Variants in ZRANB1 observed in about 807,000 individuals in gnomAD.
ZRANB1 encodes zinc finger RANBP2-type containing 1.
A neutral mutation model predicts 80.5 loss-of-function variants in ZRANB1; 16 were observed. That is an observed-to-expected ratio of 0.20 (90% CI 0.13 to 0.30). The LOEUF (loss-of-function observed/expected upper bound fraction) is 0.30. ZRANB1 is among the 10% of genes least tolerant of loss of function. The pLI, the probability that ZRANB1 is intolerant of heterozygous loss-of-function variation, is 1.00. For missense variants in ZRANB1, 576 were observed against 862.6 expected (o/e 0.67, Z 4.16); for synonymous variants, 291 against 293.1 (o/e 0.99, Z 0.07).
At chr10:124,964,869 G>A (rs922879229) in intron 1 of ZRANB1, among the ~76,000 whole-genome samples, 2 of 152,130 alleles carry the variant, frequency 1.3e-5, no homozygotes, top group Non-Finnish European at 2.9e-5. Flanking sequence ...GTGTGGGCAT[G>A]GTCAGTCCTA....
At position 124,983,449 on chromosome 10, in the gene ZRANB1, C is replaced by G. The variant is rs757633058; in HGVS notation, c.1679-10C>G. The G allele has an allele frequency of 9.4e-6, 15 of 1,603,936 alleles. No homozygotes were observed. The Admixed American group carries it at 1.2e-4, about 13-fold the overall frequency. On this transcript the variant is annotated splice_polypyrimidine_tract_variant and intron_variant, in intron 7 of 8. Coordinates refer to ENST00000359653, the MANE Select transcript of ZRANB1 (RefSeq NM_017580.3). The surrounding 1 kb of genome is among the most constrained non-coding windows in gnomAD (Gnocchi z 6.2). The stretch of plus-strand genomic sequence containing the variant: ...TGTGACTGTTGGGATTTTCTTCCCT[C>G]TCTTTCCAGGTGTTTATCTGCCTTT...
upstream of ZRANB1, among the ~76,000 whole-genome samples, chr10:124,938,712 T>C (rs1448502005): frequency 2.6e-5 from 4 of 151,722 alleles, no homozygotes; most frequent in Non-Finnish European, 2.9e-5. Context: ...TTACGTTTTT[T>C]TTTTTTTTTC....
At chr10:124,936,301 G>A in the ZRANB1 span, among the ~76,000 whole-genome samples, 1 of 152,200 alleles carries the variant, frequency 6.6e-6, no homozygotes, top group Non-Finnish European at 1.5e-5. Context: ...TTTTATGGTA[G>A]TTCTGACCTG....
chr10:124,923,853 A>G, the ZRANB1 span, among the ~76,000 whole-genome samples: 2 of 151,740 alleles, frequency 1.3e-5, no homozygotes, highest in African/African-American at 2.4e-5. Context: ...CCCTTGACAC[A>G]TGGGGATTAC....
chr10:124,925,969 C>T, the ZRANB1 span, among the ~76,000 whole-genome samples: 1 of 152,132 alleles, frequency 6.6e-6, no homozygotes, highest in Non-Finnish European at 1.5e-5. Flanking sequence ...GCCTGTTGTT[C>T]CTAGGCCATA....
rs999879233 is a variant in ZRANB1, at chr10:124,942,632, A to G, written c.139A>G (p.Ser47Gly). Residue 47 changes from serine (S) to glycine (G), a missense_variant, in exon 1 of 9, where the codon AGT (serine) becomes GGT (glycine). Physicochemically the swap from Ser to Gly is moderately conservative, Grantham distance 56. Coordinates refer to ENST00000359653, the MANE Select transcript of ZRANB1 (RefSeq NM_017580.3). ...AGAAGATCCATTTAAAAGTGGTTCA[A>G]GTGATGTTGGTAGAGATTGGGATCC... ...ITEDPFKSGS[S>G]DVGRDWDPSS... The G allele has an allele frequency of 3.1e-6, 5 of 1,614,246 alleles. No homozygotes were observed. The highest frequency in any genetic ancestry group is 4.2e-6 in the Non-Finnish European group (5 of 1,180,038).
the ZRANB1 span, among the ~76,000 whole-genome samples, chr10:124,934,427 T>A: frequency 6.6e-6 from 1 of 152,228 alleles, no homozygotes; most frequent in Non-Finnish European, 1.5e-5. Flanking sequence ...AGATACTTAA[T>A]GATTGCAAAA....
intron 5 of ZRANB1, among the ~76,000 whole-genome samples, chr10:124,980,784 C>T (rs1349723860): frequency 6.6e-6 from 1 of 151,662 alleles, no homozygotes; most frequent in Non-Finnish European, 1.5e-5. Flanking sequence ...TTTTTTTTCC[C>T]CCCGCAATAT....
At chr10:124,927,116 C>T in the ZRANB1 span, among the ~76,000 whole-genome samples, 12 of 152,084 alleles carry the variant, frequency 7.9e-5, no homozygotes, top group East Asian at 1.9e-4. Context: ...CCACCTCGCC[C>T]GGCTAATTTT....
upstream of ZRANB1, chr10:124,940,408 C>T (rs1589837512): frequency 7.1e-6 from 6 of 850,088 alleles, no homozygotes; most frequent in South Asian, 3.0e-5. Flanking sequence ...CCACTTATCA[C>T]GTTTTGCAGT....
chr10:124,981,683 AT>A (rs781351364), intron 5 of ZRANB1, 25 bp from the exon 6 acceptor site: 2 of 1,573,366 alleles, frequency 1.3e-6, no homozygotes, highest in East Asian at 2.3e-5. Flanking sequence ...CTATTTATTT[AT>A]TTTTTTACTA....
chr10:124,928,414 C>A, the ZRANB1 span, among the ~76,000 whole-genome samples: 1 of 152,160 alleles, frequency 6.6e-6, no homozygotes, highest in Non-Finnish European at 1.5e-5. Context: ...AGCCATTACC[C>A]ACCCCTCCCC....
chr10:124,922,300 A>T, the ZRANB1 span, among the ~76,000 whole-genome samples: 5 of 24,844 alleles, frequency 2.0e-4, no homozygotes, highest in African/African-American at 2.9e-4. Context: ...ATATATGTAA[A>T]ATATATATAT....
chr10:124,936,935 A>C, the ZRANB1 span, among the ~76,000 whole-genome samples: 2 of 152,122 alleles, frequency 1.3e-5, no homozygotes, highest in African/African-American at 2.4e-5. Flanking sequence ...AAAGCTAATA[A>C]AAATCTTTAA....
At chr10:124,948,034 GA>G (rs1357063626) in intron 1 of ZRANB1, among the ~76,000 whole-genome samples, 1 of 152,034 alleles carries the variant, frequency 6.6e-6, no homozygotes, top group Non-Finnish European at 1.5e-5. Flanking sequence ...TTTGACCCTT[GA>G]ATAACACAGG....
chr10:124,987,588 A>G lies in ZRANB1; in HGVS notation c.*2596A>G, dbSNP rs912817243. ...TGAGTGGTTACGAAGACGTTAAACTACCTTTTTGTTCCCTGGGGTAATAGG... is the reference window on the plus strand; with the variant it reads ...TGAGTGGTTACGAAGACGTTAAACTGCCTTTTTGTTCCCTGGGGTAATAGG... On this transcript the variant is annotated 3_prime_UTR_variant, in exon 9 of 9. Coordinates refer to ENST00000359653, the MANE Select transcript of ZRANB1 (RefSeq NM_017580.3). The G allele has an allele frequency of 2.0e-5, 3 of 152,048 alleles. No individual in the cohort carries two copies. The highest frequency in any genetic ancestry group is 7.2e-5 in the African/African-American group (3 of 41,396). 9.4% of individuals were successfully genotyped at this position (152,048 alleles called of 1,614,324 possible).
the ZRANB1 span, among the ~76,000 whole-genome samples, chr10:124,934,833 T>C: frequency 6.6e-6 from 1 of 152,046 alleles, no homozygotes; most frequent in African/African-American, 2.4e-5. Context: ...TAGTTAGAGG[T>C]TAGAGAGAAG....
Position 124,983,093 on chromosome 10 carries a change from A to AGGG in ZRANB1, c.1549-80_1549-78dup, listed in dbSNP as rs1280985894. 53 of 1,421,326 alleles carry AGGG rather than the reference A, an allele frequency of 3.7e-5. No homozygotes were observed. In the East Asian group the frequency reaches 1.1e-3, roughly 28 times the overall value. The allele number at this position is 1,421,326 out of a possible 1,614,324, so 88.0% of individuals were successfully genotyped here. On this transcript the variant is annotated intron_variant, in intron 6 of 8. Coordinates refer to ENST00000359653, the MANE Select transcript of ZRANB1 (RefSeq NM_017580.3). The surrounding 1 kb of genome is among the most constrained non-coding windows in gnomAD (Gnocchi z 6.2). ...AAAACCAACTGCGATAGTATACTGA[A>AGGG]GGGGAGGTAGTATTGTTTTTTACAC...
chr10:124,972,745 TGA>T (rs984722388), intron 3 of ZRANB1, among the ~76,000 whole-genome samples: 3 of 152,034 alleles, frequency 2.0e-5, no homozygotes, highest in African/African-American at 7.2e-5. Context: ...ATCTTTCATC[TGA>T]GATTCTGAGA....
Sources: allele counts gnomAD v4.1 joint callset (sites outside exome capture counted in the v4.1 genomes callset), GRCh38; gene constraint gnomAD v4.1.1; non-coding constraint Gnocchi (gnomAD v3.1); transcripts MANE v1.5; gene names NCBI Gene and HGNC (gene_info 2026-07-23, HGNC 2026-07-21).